DOCK5: variants seen among roughly 807,000 people sequenced by gnomAD.
DOCK5 encodes dedicator of cytokinesis protein 5.
DOCK5 carries 142 observed loss-of-function variants against 251.8 expected under a neutral mutation model. The ratio of observed to expected loss-of-function variants is 0.56; its 90% CI spans 0.49 to 0.65. DOCK5 has a LOEUF of 0.65. DOCK5 is among the 30% of genes least tolerant of loss of function. The pLI, the probability that DOCK5 is intolerant of heterozygous loss-of-function variation, is 0.00. For missense variants in DOCK5, 2,111 were observed against 2,312.3 expected (o/e 0.91, Z 1.79); for synonymous variants, 842 against 835.5 (o/e 1.01, Z -0.13).
At chr8:25,337,647 G>A (rs1367537999) in intron 22 of DOCK5, among the ~76,000 whole-genome samples, 1 of 147,832 alleles carries the variant, frequency 6.8e-6, no homozygotes, top group Non-Finnish European at 1.5e-5. Context: ...GTGCAGTGGT[G>A]TAATCTTGGC....
At chr8:25,375,405 C>CTTTCT (rs149647883) in intron 37 of DOCK5, 1 of 148,932 alleles carries the variant, frequency 6.7e-6, no homozygotes, top group Non-Finnish European at 1.5e-5. Flanking sequence ...CTTTTTCTTT[C>CTTTCT]TTTATTTTTT....
intron 1 of DOCK5, among the ~76,000 whole-genome samples, chr8:25,192,275 G>T (rs968435429): frequency 2.6e-5 from 4 of 151,982 alleles, no homozygotes; most frequent in African/African-American, 9.7e-5. Flanking sequence ...TAATCCTTTG[G>T]GTATATACCC....
chr8:25,224,650 A>G (rs1802482850), intron 1 of DOCK5, among the ~76,000 whole-genome samples: 1 of 152,354 alleles, frequency 6.6e-6, no homozygotes, highest in South Asian at 2.1e-4. Flanking sequence ...CAAATTGTAG[A>G]GGCTGGCCTG....
intron 28 of DOCK5, among the ~76,000 whole-genome samples, chr8:25,360,033 A>G (rs919905142): frequency 6.6e-6 from 1 of 152,210 alleles, no homozygotes; most frequent in African/African-American, 2.4e-5. Flanking sequence ...CTGGATTAGC[A>G]CACTGTTGTC....
At chr8:25,284,242 G>A (rs1277515338) in intron 5 of DOCK5, among the ~76,000 whole-genome samples, 4 of 152,094 alleles carry the variant, frequency 2.6e-5, no homozygotes, top group Non-Finnish European at 4.4e-5. Context: ...AGGATTCAGC[G>A]GGATAGTCTG....
rs1804787962 is a variant in DOCK5, at chr8:25,302,345, C to A, written c.867C>A (p.Leu289=). Reference sequence around the variant, plus strand: ...TTTAGGACCTTAGCAGCATGGACCTCATCCGGCCCCGCGTCAGCCTTGTGT... The same window carrying A: ...TTTAGGACCTTAGCAGCATGGACCTAATCCGGCCCCGCGTCAGCCTTGTGT... The part of the protein sequence containing the change: ...AVFTDLSSMD[L]IRPRVSLVCQ... The change falls in exon 10 of 52, where the codon CTC becomes CTA. Residue 289 remains leucine, a synonymous_variant. Transcript: ENST00000276440. The A allele has an allele frequency of 6.2e-7, 1 of 1,612,686 alleles. No individual in the cohort carries two copies. Among genetic ancestry groups the A allele is most frequent in the East Asian group, 2.2e-5 (1 of 44,868 alleles).
At position 25,377,368 on chromosome 8, in the gene DOCK5, C is replaced by G. The variant is rs568854508; in HGVS notation, c.3880C>G (p.Gln1294Glu). Residue 1294 changes from glutamine (Q) to glutamate (E), a missense_variant, in exon 38 of 52, where the codon CAA (glutamine) becomes GAA (glutamate). Transcript: ENST00000276440. ...QKDSYYVYTQ[Q>E]ELKEKLYQEI... is the part of the protein sequence containing the mutation. Reference sequence around the variant, plus strand: ...GGACAGTTACTATGTTTATACCCAGCAAGAGCTTAAAGAGAAGCTGTATCA... The same window carrying G: ...GGACAGTTACTATGTTTATACCCAGGAAGAGCTTAAAGAGAAGCTGTATCA... 2 of 1,613,786 alleles carry G rather than the reference C, an allele frequency of 1.2e-6. No individual in the cohort carries two copies. The highest frequency in any genetic ancestry group is 2.2e-5 in the East Asian group (1 of 44,880).
intron 31 of DOCK5, among the ~76,000 whole-genome samples, 189 bp downstream of exon 31, chr8:25,367,159 A>G (rs992580408): frequency 6.6e-6 from 1 of 152,196 alleles, no homozygotes; most frequent in African/African-American, 2.4e-5. Flanking sequence ...TTAAGGCCCA[A>G]CCATCTTCCC....
rs564733197 is a variant in DOCK5 at position 25,405,431 on chromosome 8, G to GT, written c.5093+1715dup. Reference sequence around the variant, plus strand: ...CATTTAGTGAACAAGTCATCTTTTTGTTTTTTTTGAAATGTCAATCTTATA... The same window carrying GT: ...CATTTAGTGAACAAGTCATCTTTTTGTTTTTTTTTGAAATGTCAATCTTATA... On this transcript the variant is annotated intron_variant, in intron 48 of 51. Transcript: ENST00000276440. Among the ~76,000 whole-genome samples the GT allele has an allele frequency of 3.4e-3, 515 of 150,494 alleles. 3 individuals are homozygous for GT. The highest frequency in any genetic ancestry group is 0.028 in the South Asian group (133 of 4,768).
intron 40 of DOCK5, among the ~76,000 whole-genome samples, 157 bp downstream of exon 40, chr8:25,382,935 C>T (rs1167427407): frequency 6.7e-6 from 1 of 149,370 alleles, no homozygotes; most frequent in Non-Finnish European, 1.5e-5. Flanking sequence ...GGCCTCTTCA[C>T]CCCACACCCC....
At chr8:25,224,727 C>T (rs985277746) in intron 1 of DOCK5, among the ~76,000 whole-genome samples, 1 of 152,124 alleles carries the variant, frequency 6.6e-6, no homozygotes, top group Non-Finnish European at 1.5e-5. Flanking sequence ...GATATAAAAA[C>T]AGCCAGAAAG....
chr8:25,214,912 C>T (rs529534182), intron 1 of DOCK5, among the ~76,000 whole-genome samples: 37 of 152,276 alleles, frequency 2.4e-4, no homozygotes, highest in African/African-American at 7.2e-4. Flanking sequence ...TGTTTTTATC[C>T]GCCACTGGCC....
intron 6 of DOCK5, among the ~76,000 whole-genome samples, chr8:25,292,791 A>G (rs1804528192): frequency 1.3e-5 from 2 of 152,142 alleles, no homozygotes; most frequent in African/African-American, 4.8e-5. Flanking sequence ...TGAAGTTGAC[A>G]TTTTCAGATA....
At chr8:25,306,520 CT>C (rs765249850) in intron 11 of DOCK5, among the ~76,000 whole-genome samples, 1 of 151,988 alleles carries the variant, frequency 6.6e-6, no homozygotes, top group Non-Finnish European at 1.5e-5. Flanking sequence ...CGGTGAAACC[CT>C]GTCTCTACTA....
chr8:25,191,669 G>T (rs1257531237), intron 1 of DOCK5, among the ~76,000 whole-genome samples: 1 of 151,946 alleles, frequency 6.6e-6, no homozygotes, highest in Non-Finnish European at 1.5e-5. Flanking sequence ...AAATGCTGTT[G>T]TCCCCTGTTT....
chr8:25,268,786 A>G, intron 2 of DOCK5, 59 bp from the exon 3 acceptor site: 2 of 1,446,862 alleles, frequency 1.4e-6, no homozygotes, highest in Non-Finnish European at 1.9e-6. Flanking sequence ...TATATTGCTA[A>G]TAACTTTATG....
intron 42 of DOCK5, among the ~76,000 whole-genome samples, chr8:25,391,094 G>A (rs763568337): frequency 3.9e-5 from 6 of 152,206 alleles, no homozygotes; most frequent in Non-Finnish European, 7.4e-5. Context: ...AGGCTGGCAT[G>A]CAGTGGCACG....
chr8:25,378,648 G>T (rs1248270925), intron 38 of DOCK5, among the ~76,000 whole-genome samples: 1 of 152,096 alleles, frequency 6.6e-6, no homozygotes, highest in Non-Finnish European at 1.5e-5. Flanking sequence ...GGCTCAATCT[G>T]GGCTGCTAGC....
chr8:25,362,739 T>C (rs1400649306), intron 28 of DOCK5, among the ~76,000 whole-genome samples: 1 of 152,092 alleles, frequency 6.6e-6, no homozygotes, highest in African/African-American at 2.4e-5. Context: ...CACCCAACCC[T>C]CCTTCCTACT....
Sources: gnomAD v4.1 joint callset for allele counts (sites outside exome capture counted in the v4.1 genomes callset) on GRCh38, gnomAD v4.1.1 for gene constraint, MANE v1.5 for transcripts, NCBI Gene and HGNC (gene_info 2026-07-23, HGNC 2026-07-21) for gene names.